DAB1: variants seen among roughly 807,000 people sequenced by gnomAD.
DAB1 encodes disabled homolog 1.
DAB1 carries 15 observed loss-of-function variants against 64.6 expected under a neutral mutation model. That is an observed-to-expected ratio of 0.23 (90% CI 0.16 to 0.36). The LOEUF is 0.36. Among genes scored for constraint, DAB1 ranks in the 10% least tolerant of loss-of-function variants. The pLI is 1.00. For missense variants in DAB1, 596 were observed against 706.7 expected (o/e 0.84, Z 1.78); for synonymous variants, 235 against 251.9 (o/e 0.93, Z 0.64).
intron 3 of DAB1, among the ~76,000 whole-genome samples, chr1:58,487,979 A>G (rs1029084796): frequency 2.6e-5 from 4 of 152,292 alleles, no homozygotes; most frequent in Non-Finnish European, 5.9e-5. Context: ...TAAATTTCCC[A>G]AAGAATCAAC....
intron 1 of DAB1, among the ~76,000 whole-genome samples, chr1:57,320,027 T>G (rs1179385418): frequency 1.3e-5 from 2 of 152,198 alleles, no homozygotes; most frequent in East Asian, 3.9e-4. Flanking sequence ...GCACTGATCT[T>G]GGGACCACTC....
rs200312869 is a variant in DAB1 at position 57,145,284 on chromosome 1, T to C, written c.207+6A>G. 6.3e-4 allele frequency: 1,014 copies of C among 1,613,980 alleles called. 7 individuals carry two copies. The highest frequency in any genetic ancestry group is 6.0e-5 in the Non-Finnish European group (71 of 1,179,866). On this transcript the variant is annotated splice_donor_region_variant and intron_variant, in intron 3 of 14. Coordinates refer to ENST00000371236, the MANE Select transcript of DAB1 (RefSeq NM_001365792.1). Reference sequence around the variant, plus strand: ...AAGTATTGAAAAGAAAACGTTTGCATAGCACCTTGAGTTTCATCATGGAAT... The same window carrying C: ...AAGTATTGAAAAGAAAACGTTTGCACAGCACCTTGAGTTTCATCATGGAAT...
chr1:58,417,902 A>C (rs934880515), intron 3 of DAB1, among the ~76,000 whole-genome samples: 2 of 152,170 alleles, frequency 1.3e-5, no homozygotes, highest in African/African-American at 4.8e-5. Context: ...GAAGAGTGAA[A>C]GTGCTGGGTT....
At chr1:57,149,364 A>G (rs1192129579) in intron 2 of DAB1, among the ~76,000 whole-genome samples, 1 of 152,208 alleles carries the variant, frequency 6.6e-6, no homozygotes, top group Non-Finnish European at 1.5e-5. Context: ...TTGTCGCATC[A>G]TATGGTAACT....
chr1:58,116,759 T>A (rs1557656716), intron 5 of DAB1, among the ~76,000 whole-genome samples: 1 of 152,138 alleles, frequency 6.6e-6, no homozygotes, highest in East Asian at 1.9e-4. Context: ...GTTCTTTAAT[T>A]CTGAAACATC....
chr1:58,477,167 G>A (rs1003118398), intron 3 of DAB1, among the ~76,000 whole-genome samples: 1 of 152,156 alleles, frequency 6.6e-6, no homozygotes, highest in Non-Finnish European at 1.5e-5. Context: ...ACGAGTAAAT[G>A]ATGCCATTTG....
intron 3 of DAB1, among the ~76,000 whole-genome samples, chr1:58,397,514 A>T (rs1644533378): frequency 7.2e-6 from 1 of 138,336 alleles, no homozygotes; most frequent in Admixed American, 8.3e-5. Flanking sequence ...CCTCCACTTC[A>T]TGACTCCTGA....
At chr1:58,454,960 C>A (rs533694531) in intron 3 of DAB1, among the ~76,000 whole-genome samples, 3 of 152,330 alleles carry the variant, frequency 2.0e-5, no homozygotes, top group African/African-American at 7.2e-5. Context: ...TCAGTGGTGA[C>A]GTGTACCATC....
At chr1:57,671,873 G>T (rs1646513741) in intron 6 of DAB1, among the ~76,000 whole-genome samples, 1 of 151,848 alleles carries the variant, frequency 6.6e-6, no homozygotes, top group African/African-American at 2.4e-5. Context: ...TTTGCACATG[G>T]ACTAGATATG....
intron 5 of DAB1, among the ~76,000 whole-genome samples, chr1:57,991,986 G>A (rs190650800): frequency 5.0e-4 from 76 of 151,740 alleles, no homozygotes; most frequent in African/African-American, 1.7e-3. Context: ...ACAAGCAGAC[G>A]CAGAGACACA....
intron 7 of DAB1, among the ~76,000 whole-genome samples, chr1:57,638,263 T>C (rs1463193156): frequency 6.6e-6 from 1 of 152,236 alleles, no homozygotes; most frequent in Non-Finnish European, 1.5e-5. Context: ...ATATTGTTAC[T>C]TTTCATTAAT....
intron 5 of DAB1, among the ~76,000 whole-genome samples, chr1:58,069,807 A>G (rs968936439): frequency 6.6e-6 from 1 of 152,214 alleles, no homozygotes; most frequent in African/African-American, 2.4e-5. Flanking sequence ...AGTTGTCAAC[A>G]TGTACTAGAT....
intron 4 of DAB1, among the ~76,000 whole-genome samples, chr1:58,227,534 G>GC (rs899274665): frequency 1.3e-5 from 2 of 152,190 alleles, no homozygotes; most frequent in Non-Finnish European, 2.9e-5. Context: ...CTCTCCTCCA[G>GC]CCCCACACCC....
At chr1:57,616,907 G>A (rs978525578) in intron 7 of DAB1, among the ~76,000 whole-genome samples, 5 of 152,180 alleles carry the variant, frequency 3.3e-5, no homozygotes, top group Admixed American at 3.3e-4. Flanking sequence ...GGGTGGCAGA[G>A]GATTGGTAAC....
intron 7 of DAB1, among the ~76,000 whole-genome samples, chr1:57,435,206 G>A (rs912460547): frequency 5.3e-5 from 8 of 151,478 alleles, no homozygotes; most frequent in Admixed American, 2.0e-4. Flanking sequence ...TTGCCACCAC[G>A]CCCGGTTAAT....
intron 1 of DAB1, among the ~76,000 whole-genome samples, chr1:57,341,854 T>C (rs1677616161): frequency 6.6e-6 from 1 of 152,214 alleles, no homozygotes; most frequent in African/African-American, 2.4e-5. Flanking sequence ...CTCCTTTTGA[T>C]GCTATAGACA....
At chr1:58,228,861 A>G in intron 4 of DAB1, 1 of 593,696 alleles carries the variant, frequency 1.7e-6, no homozygotes, top group Non-Finnish European at 3.2e-6. Context: ...CAGCACCAGC[A>G]GGACAGAGGC....
chr1:57,138,074 T>A (rs1030314523), intron 3 of DAB1, among the ~76,000 whole-genome samples: 9 of 152,158 alleles, frequency 5.9e-5, no homozygotes, highest in Admixed American at 5.9e-4. Context: ...TGAAGAAATA[T>A]AATAAAAATT....
chr1:57,180,988 T>G (rs9970802), intron 2 of DAB1, among the ~76,000 whole-genome samples: 90,954 of 151,998 alleles, frequency 0.6, 27,843 homozygotes, highest in African/African-American at 0.72. Flanking sequence ...GGCTCCTGAT[T>G]TGTGGCAAAT....
Sources: allele counts gnomAD v4.1 joint callset (sites outside exome capture counted in the v4.1 genomes callset), GRCh38; gene constraint gnomAD v4.1.1; transcripts MANE v1.5; gene names NCBI Gene and HGNC (gene_info 2026-07-23, HGNC 2026-07-21).